MYLK: variants seen among roughly 807,000 people sequenced by gnomAD.
The protein encoded by MYLK is myosin light chain kinase, smooth muscle.
MYLK carries 106 observed loss-of-function variants against 203.4 expected under a neutral mutation model. That is an observed-to-expected ratio of 0.52 (90% confidence interval 0.45 to 0.61). The LOEUF is 0.61. MYLK is among the 20% of genes least tolerant of loss of function. The pLI, the probability that MYLK is intolerant of heterozygous loss-of-function variation, is 0.00. For synonymous variants in MYLK, 867 were observed against 959.5 expected, an observed-to-expected ratio of 0.90 and a Z score of 1.78; for missense variants, 2,072 against 2,442.3, an observed-to-expected ratio of 0.85 and a Z score of 3.20.
intron 20 of MYLK, among the ~76,000 whole-genome samples, chr3:123,676,160 C>T (rs1326090431): frequency 6.6e-6 from 1 of 152,228 alleles, no homozygotes; most frequent in Admixed American, 6.5e-5. Flanking sequence ...ATGGGAGACA[C>T]TGGGTGAGTT....
At chr3:123,662,876 G>A (rs930380804) in intron 23 of MYLK, among the ~76,000 whole-genome samples, 1 of 152,206 alleles carries the variant, frequency 6.6e-6, no homozygotes, top group Non-Finnish European at 1.5e-5. Flanking sequence ...TCTGGGGTGA[G>A]GCTGGGGGTG....
Position 123,707,748 on chromosome 3 carries a change from A to G in MYLK, c.2390+6T>C, listed in dbSNP as rs569003916. The G allele has an allele frequency of 1.1e-5, 17 of 1,614,082 alleles. No individual in the cohort carries two copies. In the East Asian group the frequency reaches 3.8e-4, roughly 36 times the overall value. On this transcript the variant is annotated splice_donor_region_variant and intron_variant, in intron 16 of 33. Transcript: ENST00000360304. ...TAAGGGAGGCTGGCTGGACATGCAGACTCACTTGAGCAGGATCTCATACTG... is the reference window on the plus strand; with the variant it reads ...TAAGGGAGGCTGGCTGGACATGCAGGCTCACTTGAGCAGGATCTCATACTG...
chr3:123,872,403 T>TA (rs1399744775), intron 2 of MYLK, among the ~76,000 whole-genome samples: 1 of 152,168 alleles, frequency 6.6e-6, no homozygotes, highest in Admixed American at 6.5e-5. Flanking sequence ...ATGCTAACAC[T>TA]ATCAACCTTG....
At chr3:123,639,431 A>C (rs1254403) in intron 28 of MYLK, among the ~76,000 whole-genome samples, 49,813 of 151,922 alleles carry the variant, frequency 0.33, 14,786 homozygotes, top group African/African-American at 0.76. Flanking sequence ...CCTTTCTACT[A>C]CCTGCAGGGT....
At chr3:123,736,571 C>T (rs189473857) in intron 8 of MYLK, among the ~76,000 whole-genome samples, 1 of 152,108 alleles carries the variant, frequency 6.6e-6, no homozygotes, top group Admixed American at 6.5e-5. Context: ...GAAGAACTGA[C>T]AGGGCTGACG....
chr3:123,635,724 C>A (rs2058618749), intron 29 of MYLK, among the ~76,000 whole-genome samples: 1 of 152,126 alleles, frequency 6.6e-6, no homozygotes, highest in South Asian at 2.1e-4. Flanking sequence ...CAATAAAGTG[C>A]CCTATGACCC....
At chr3:123,778,213 C>T (rs542993999) in intron 4 of MYLK, among the ~76,000 whole-genome samples, 12 of 152,252 alleles carry the variant, frequency 7.9e-5, no homozygotes, top group Admixed American at 5.2e-4. Flanking sequence ...TACATATACA[C>T]ACAGATATAC....
intron 2 of MYLK, among the ~76,000 whole-genome samples, chr3:123,847,383 T>G (rs1450922852): frequency 6.6e-6 from 1 of 152,156 alleles, no homozygotes; most frequent in African/African-American, 2.4e-5. Context: ...CATTTTAATC[T>G]TTATCTTCAA....
intron 2 of MYLK, among the ~76,000 whole-genome samples, chr3:123,874,928 A>G (rs1402615398): frequency 6.6e-6 from 1 of 152,192 alleles, no homozygotes; most frequent in African/African-American, 2.4e-5. Flanking sequence ...TAAAAACACA[A>G]TATGATAAAA....
intron 32 of MYLK, 98 bp downstream of exon 32, chr3:123,620,109 T>TA (rs397962965): frequency 0.012 from 10,114 of 853,446 alleles, no homozygotes; most frequent in Non-Finnish European, 0.015. Context: ...AATATTAAAA[T>TA]AAAAAAAAAA....
intron 4 of MYLK, among the ~76,000 whole-genome samples, chr3:123,756,296 A>G (rs947923569): frequency 3.9e-5 from 6 of 152,212 alleles, no homozygotes; most frequent in Non-Finnish European, 8.8e-5. Flanking sequence ...GAAAGTGTCA[A>G]ATGGTTCACC....
chr3:123,787,479 T>C (rs2064580161), intron 4 of MYLK, among the ~76,000 whole-genome samples: 1 of 152,122 alleles, frequency 6.6e-6, no homozygotes, highest in Non-Finnish European at 1.5e-5. Flanking sequence ...CCACCGTGGT[T>C]CTCCTCAGGG....
rs1013745208 is a variant in MYLK at position 123,784,326 on chromosome 3, G to A, written c.165+9351C>T. Among the ~76,000 whole-genome samples, 4 of 150,494 alleles carry A rather than the reference G, an allele frequency of 2.7e-5. No homozygotes were observed. In the South Asian group the frequency reaches 8.4e-4, roughly 32 times the overall value. On this transcript the variant is annotated intron_variant, in intron 4 of 33. Coordinates refer to ENST00000360304, the MANE Select transcript of MYLK (RefSeq NM_053025.4). ...GCTCAAACTTTTTGAGAACACCACT[G>A]GCCAAACACAAAAGGTCTGTGTGCC...
At chr3:123,882,509 T>G (rs2033605277) in intron 1 of MYLK, among the ~76,000 whole-genome samples, 3 of 152,200 alleles carry the variant, frequency 2.0e-5, no homozygotes, top group Non-Finnish European at 4.4e-5. Flanking sequence ...CAAAAGAAAC[T>G]GAACATGGGA....
intron 18 of MYLK, among the ~76,000 whole-genome samples, chr3:123,699,655 T>G (rs986353762): frequency 1.3e-5 from 2 of 152,194 alleles, no homozygotes; most frequent in African/African-American, 4.8e-5. Context: ...GACAGAGCCC[T>G]CTCCATGCCG....
In MYLK at chr3:123,677,916, TATAC is replaced by T. The variant is rs1385808277; in HGVS notation, c.3652+4304_3652+4307del. 7.6e-3 allele frequency among the ~76,000 whole-genome samples: 717 copies of T among 94,676 alleles called. 8 individuals are homozygous for T. Among genetic ancestry groups the T allele is most frequent in the African/African-American group, 0.029 (627 of 21,762 alleles). The allele number at this position is 94,676 out of a possible 152,430, so 62.1% of individuals were successfully genotyped here. A position where few individuals can be genotyped will look rare whatever the true frequency, so the allele number is the denominator to read the frequency against. ...ATATATATATATATATATATATATATATACACACACACACACACAGAGTACATCC... is the reference window on the plus strand; with the variant it reads ...ATATATATATATATATATATATATATACACACACACACACAGAGTACATCC... On this transcript the variant is annotated intron_variant, in intron 20 of 33. Coordinates refer to ENST00000360304, the MANE Select transcript of MYLK (RefSeq NM_053025.4).
intron 20 of MYLK, among the ~76,000 whole-genome samples, chr3:123,668,711 C>A (rs1448552742): frequency 6.6e-6 from 1 of 152,132 alleles, no homozygotes; most frequent in Non-Finnish European, 1.5e-5. Flanking sequence ...TGAGATCTTC[C>A]CTAACCACCC....
At chr3:123,862,054 G>C (rs537265055) in intron 2 of MYLK, among the ~76,000 whole-genome samples, 2 of 152,190 alleles carry the variant, frequency 1.3e-5, no homozygotes, top group Non-Finnish European at 2.9e-5. Flanking sequence ...ATTGGAATCC[G>C]AGCCAGCAGT....
intron 4 of MYLK, among the ~76,000 whole-genome samples, chr3:123,770,894 G>A (rs913355834): frequency 6.6e-6 from 1 of 152,132 alleles, no homozygotes; most frequent in Non-Finnish European, 1.5e-5. Context: ...CAACCAAATG[G>A]ACCAACTGTG....
Sources: gnomAD v4.1 joint callset for allele counts (sites outside exome capture counted in the v4.1 genomes callset) on GRCh38, gnomAD v4.1.1 for gene constraint, MANE v1.5 for transcripts, NCBI Gene and HGNC (gene_info 2026-07-23, HGNC 2026-07-21) for gene names.